CLEC16A: variants seen among roughly 807,000 people sequenced by gnomAD.
CLEC16A encodes the protein C-type lectin domain containing 16A, also known as protein CLEC16A.
CLEC16A carries 51 observed loss-of-function variants against 109.5 expected under a neutral mutation model. The ratio of observed to expected loss-of-function variants is 0.47; its 90% CI spans 0.37 to 0.59. CLEC16A has a LOEUF of 0.59. Ranked by LOEUF, CLEC16A falls within the 20% of genes least tolerant of loss-of-function variation. CLEC16A has a pLI of 0.00. For missense variants in CLEC16A, 1,339 were observed against 1,394.0 expected (o/e 0.96, Z 0.63); for synonymous variants, 673 against 564.2 (o/e 1.19, Z -2.73).
intron 22 of CLEC16A, among the ~76,000 whole-genome samples, chr16:11,132,031 G>A (rs963274902): frequency 6.6e-6 from 1 of 152,194 alleles, no homozygotes; most frequent in Non-Finnish European, 1.5e-5. Flanking sequence ...TGAGTGCCCA[G>A]GTCACCCTAG....
intron 11 of CLEC16A, among the ~76,000 whole-genome samples, chr16:11,008,826 TAAAAAAAAA>T (rs35514760): frequency 1.2e-5 from 1 of 86,270 alleles, no homozygotes; most frequent in African/African-American, 4.8e-5. Flanking sequence ...CCGTCTCTAC[TAAAAAAAAA>T]AAAAAAAAAA....
intron 10 of CLEC16A, among the ~76,000 whole-genome samples, chr16:10,983,927 A>G (rs1022950605): frequency 2.7e-5 from 4 of 148,514 alleles, no homozygotes; most frequent in Non-Finnish European, 6.0e-5. Context: ...GGGCTGCACA[A>G]ATGCTCATCT....
chr16:11,157,405 C>G (rs1015742927), intron 22 of CLEC16A, among the ~76,000 whole-genome samples: 1 of 152,200 alleles, frequency 6.6e-6, no homozygotes, highest in African/African-American at 2.4e-5. Context: ...AACCAGATAT[C>G]ACCATTTGGG....
chr16:11,041,206 C>T (rs11863824), intron 14 of CLEC16A: 4 of 152,334 alleles, frequency 2.6e-5, no homozygotes, highest in Admixed American at 2.0e-4. Context: ...CTCAATCTTT[C>T]CAGCACTCAT....
chr16:10,956,155 A>C (rs1377555645), intron 1 of CLEC16A, among the ~76,000 whole-genome samples: 2 of 152,236 alleles, frequency 1.3e-5, no homozygotes, highest in Non-Finnish European at 2.9e-5. Flanking sequence ...ATTTGGGTAC[A>C]AGTGGTTGAG....
Position 11,030,903 on chromosome 16 carries a change from G to A in CLEC16A, c.1537+5982G>A, listed in dbSNP as rs554022824. ...CAAGTGATACACCCGCCTCAGCCTC[G>A]AGAGTTCTTTATGTATTTTGAATGC... On this transcript the variant is annotated intron_variant, in intron 13 of 23. Transcript: ENST00000409790. 1.1e-4 allele frequency among the ~76,000 whole-genome samples: 16 copies of A among 152,222 alleles called. No individual in the cohort carries two copies. In the South Asian group the frequency reaches 1.7e-3, roughly 16 times the overall value.
intron 11 of CLEC16A, among the ~76,000 whole-genome samples, chr16:11,018,969 C>T (rs1427818856): frequency 6.6e-6 from 1 of 152,042 alleles, no homozygotes; most frequent in East Asian, 1.9e-4. Flanking sequence ...TCATTAAAAT[C>T]ACTTGGGTTT....
chr16:10,964,456 T>G (rs1218805797), intron 3 of CLEC16A, among the ~76,000 whole-genome samples: 1 of 152,162 alleles, frequency 6.6e-6, no homozygotes, highest in South Asian at 2.1e-4. Context: ...CAGTGAAGGC[T>G]CCGAGCTGCT....
chr16:11,156,714 C>A (rs568486160), intron 22 of CLEC16A: 6 of 1,266,796 alleles, frequency 4.7e-6, no homozygotes, highest in Non-Finnish European at 6.3e-6. Context: ...AGGGGCTGGG[C>A]GAGGCAGGGA....
intron 19 of CLEC16A, among the ~76,000 whole-genome samples, chr16:11,072,694 A>G (rs116196978): frequency 6.8e-4 from 103 of 152,322 alleles, no homozygotes; most frequent in African/African-American, 2.4e-3. Context: ...TGATTAAAAG[A>G]GAAAAGTCCA....
chr16:11,110,635 C>G (rs777274697), intron 19 of CLEC16A, among the ~76,000 whole-genome samples: 10 of 152,132 alleles, frequency 6.6e-5, no homozygotes, highest in Non-Finnish European at 1.0e-4. Context: ...AGCAATTTGA[C>G]TTGTGCTGGG....
At chr16:10,970,821 A>ACTGCAGCCTCCAACTCCTGGG (rs2042745403) in intron 4 of CLEC16A, among the ~76,000 whole-genome samples, 1 of 152,092 alleles carries the variant, frequency 6.6e-6, no homozygotes, top group Admixed American at 6.5e-5. Context: ...ATCACATCTC[A>ACTGCAGCCTCCAACTCCTGGG]CTGCAGCCTC....
chr16:11,133,486 G>A (rs1334164291), intron 22 of CLEC16A, among the ~76,000 whole-genome samples: 3 of 152,072 alleles, frequency 2.0e-5, no homozygotes, highest in South Asian at 2.1e-4. Flanking sequence ...GAAAAGCCTC[G>A]CCGGTTCCAG....
intron 8 of CLEC16A, 133 bp from the exon 9 acceptor site, chr16:10,979,196 G>T: frequency 1.4e-6 from 1 of 711,008 alleles, no homozygotes; most frequent in Non-Finnish European, 2.3e-6. Context: ...AGAAAGGACA[G>T]CCCTAGGGCC....
intron 13 of CLEC16A, chr16:11,027,385 T>C: frequency 7.2e-7 from 1 of 1,395,664 alleles, no homozygotes; most frequent in South Asian, 1.2e-5. Context: ...GGTGTCTTTG[T>C]AAAAGTCACC....
chr16:11,166,920 T>A (rs1342343745), intron 23 of CLEC16A, among the ~76,000 whole-genome samples: 1 of 152,078 alleles, frequency 6.6e-6, no homozygotes, highest in Non-Finnish European at 1.5e-5. Flanking sequence ...AGGAAAAGAA[T>A]CGCGTTCCTG....
At chr16:11,034,153 T>C (rs1444839052) in intron 13 of CLEC16A, among the ~76,000 whole-genome samples, 1 of 152,202 alleles carries the variant, frequency 6.6e-6, no homozygotes, top group Non-Finnish European at 1.5e-5. Flanking sequence ...GCTTTTGCCA[T>C]GCGGAGAACT....
chr16:11,043,676 C>G (rs1428721939), intron 15 of CLEC16A, among the ~76,000 whole-genome samples: 2 of 151,854 alleles, frequency 1.3e-5, no homozygotes, highest in Non-Finnish European at 2.9e-5. Context: ...ACCAGCCTGG[C>G]CAACATGGTG....
intron 19 of CLEC16A, among the ~76,000 whole-genome samples, chr16:11,109,590 C>T (rs1038983438): frequency 2.6e-5 from 4 of 152,204 alleles, no homozygotes; most frequent in African/African-American, 4.8e-5. Flanking sequence ...AGTTCCCCCT[C>T]ACTAATCCCT....
Sources: allele counts gnomAD v4.1 joint callset (sites outside exome capture counted in the v4.1 genomes callset), GRCh38; gene constraint gnomAD v4.1.1; transcripts MANE v1.5; gene names NCBI Gene and HGNC (gene_info 2026-07-23, HGNC 2026-07-21).